Variants in TTC7A observed in about 807,000 individuals in gnomAD.
TTC7A encodes tetratricopeptide repeat domain 7A.
Under a neutral mutation model 103.7 loss-of-function variants are expected in TTC7A, and 110 were observed. The ratio of observed to expected loss-of-function variants is 1.06; its 90% CI spans 0.91 to 1.24. The LOEUF (loss-of-function observed/expected upper bound fraction) is 1.24. TTC7A is among the 50% of genes most tolerant of loss of function. TTC7A has a pLI of 0.00. For missense variants in TTC7A, 1,340 were observed against 1,116.3 expected (o/e 1.20, Z -2.86); for synonymous variants, 521 against 467.9 (o/e 1.11, Z -1.47).
intron 5 of TTC7A, among the ~76,000 whole-genome samples, chr2:46,982,419 C>T (rs1372771567): frequency 6.6e-6 from 1 of 151,836 alleles, no homozygotes; most frequent in African/African-American, 2.4e-5. Flanking sequence ...TACTGGGAAA[C>T]AGGCTGCCTC....
intron 18 of TTC7A, among the ~76,000 whole-genome samples, chr2:47,059,209 G>A (rs908808821): frequency 6.6e-5 from 10 of 151,496 alleles, no homozygotes; most frequent in Non-Finnish European, 1.5e-4. Context: ...TTTTACTAGA[G>A]ACGGGGTTTC....
At chr2:47,026,978 C>T (rs542108051) in intron 14 of TTC7A, among the ~76,000 whole-genome samples, 3 of 152,274 alleles carry the variant, frequency 2.0e-5, no homozygotes, top group African/African-American at 4.8e-5. Context: ...CACATCACCG[C>T]GTGAACATGT....
intron 3 of TTC7A, among the ~76,000 whole-genome samples, chr2:46,969,222 G>A (rs35779609): frequency 0.56 from 84,398 of 151,226 alleles, 24,484 homozygotes; most frequent in East Asian, 0.66. Flanking sequence ...AAAAAATCTG[G>A]GCCGGGCACG....
chr2:46,981,194 T>G (rs1674420488), intron 5 of TTC7A, among the ~76,000 whole-genome samples: 1 of 152,134 alleles, frequency 6.6e-6, no homozygotes, highest in African/African-American at 2.4e-5. Context: ...TTTTGATACA[T>G]CTTTCGTGTT....
At chr2:46,979,889 C>T (rs987557893) in intron 5 of TTC7A, among the ~76,000 whole-genome samples, 19 of 152,196 alleles carry the variant, frequency 1.2e-4, no homozygotes, top group Admixed American at 7.2e-4. Context: ...ACGAGAGGAG[C>T]AGACCCATAG....
At chr2:46,942,791 A>T (rs1464045148) in intron 1 of TTC7A, among the ~76,000 whole-genome samples, 1 of 152,230 alleles carries the variant, frequency 6.6e-6, no homozygotes, top group Admixed American at 6.5e-5. Context: ...TGTACAGCAC[A>T]AAATCCTTGC....
Position 47,007,625 on chromosome 2 carries a change from G to T in TTC7A, c.1287+901G>T, listed in dbSNP as rs549076474. The stretch of plus-strand genomic sequence containing the variant: ...CCTGGCTTGCCAGTGCCTCCTCCAC[G>T]CATCAAGGGCGTGCCAGCCAGCTCG... On this transcript the variant is annotated intron_variant, in intron 10 of 19. Coordinates refer to ENST00000319190, the MANE Select transcript of TTC7A (RefSeq NM_020458.4). The surrounding 1 kb of genome is among the most constrained non-coding windows in gnomAD (Gnocchi z 4.9). Among the ~76,000 whole-genome samples, 2 of 152,102 alleles carry T rather than the reference G, an allele frequency of 1.3e-5. No individual in the cohort carries two copies. Among genetic ancestry groups the T allele is most frequent in the Admixed American group, 6.5e-5 (1 of 15,284 alleles).
At chr2:46,994,157 C>T in intron 6 of TTC7A, 200 bp from the exon 7 acceptor site, 1 of 609,138 alleles carries the variant, frequency 1.6e-6, no homozygotes, top group Non-Finnish European at 2.9e-6. Flanking sequence ...CGTCTGAGGC[C>T]AGCAGAGGGG....
At position 46,972,325 on chromosome 2, in the gene TTC7A, T is replaced by G. The variant is rs376893534; in HGVS notation, c.518-2648T>G. 7.9e-5 allele frequency among the ~76,000 whole-genome samples: 12 copies of G among 152,350 alleles called. No homozygotes were observed. The South Asian group carries it at 2.5e-3, about 32-fold the overall frequency. ...TGTTTTTATTTTTTTGAGCTTTTTG[T>G]TTTTGGCCTTGAAGCTTTTCTTAAA... On this transcript the variant is annotated intron_variant, in intron 3 of 19. Coordinates refer to ENST00000319190, the MANE Select transcript of TTC7A (RefSeq NM_020458.4).
chr2:47,020,078 G>C (rs1428030561), intron 11 of TTC7A, among the ~76,000 whole-genome samples: 2 of 152,182 alleles, frequency 1.3e-5, no homozygotes, highest in African/African-American at 4.8e-5. Flanking sequence ...TGCCAGGTGT[G>C]TGCCTCCTGT....
At chr2:47,060,629 A>C in intron 18 of TTC7A, 140 bp from the exon 19 acceptor site, 1 of 706,366 alleles carries the variant, frequency 1.4e-6, no homozygotes, top group Non-Finnish European at 2.3e-6. Context: ...TCCTATAGTC[A>C]GTGTGTCCCA....
intron 3 of TTC7A, among the ~76,000 whole-genome samples, chr2:46,958,757 C>G (rs1215492801): frequency 2.6e-5 from 4 of 152,196 alleles, no homozygotes; most frequent in South Asian, 4.1e-4. Flanking sequence ...CACGTGGCCA[C>G]CAGGGTGTGC....
Position 47,043,716 on chromosome 2 carries a change from C to G in TTC7A, c.1803-2599C>G, listed in dbSNP as rs143074618. On this transcript the variant is annotated intron_variant, in intron 15 of 19. Coordinates refer to ENST00000319190, the MANE Select transcript of TTC7A (RefSeq NM_020458.4). ...CAGGATCCTGGAGTGAAAGATCAGA[C>G]CAGAGTGACTGGTGGAGCACTTGCC... Among the ~76,000 whole-genome samples, 1,025 of 152,268 alleles carry G rather than the reference C, an allele frequency of 6.7e-3. 12 individuals carry two copies. Among genetic ancestry groups the G allele is most frequent in the African/African-American group, 0.024 (979 of 41,550 alleles).
intron 11 of TTC7A, among the ~76,000 whole-genome samples, chr2:47,015,040 T>C (rs1428779672): frequency 6.6e-6 from 1 of 152,208 alleles, no homozygotes; most frequent in African/African-American, 2.4e-5. Flanking sequence ...TGGGAGTAGC[T>C]GAGCAGGTTT....
At chr2:47,072,125 G>A (rs1005417699) in intron 19 of TTC7A, among the ~76,000 whole-genome samples, 1 of 152,204 alleles carries the variant, frequency 6.6e-6, no homozygotes, top group African/African-American at 2.4e-5. Flanking sequence ...GGAACAGCTA[G>A]GCCTGGTGCC....
intron 16 of TTC7A, among the ~76,000 whole-genome samples, chr2:47,048,729 A>T (rs1034758494): frequency 1.2e-4 from 19 of 152,168 alleles, no homozygotes; most frequent in African/African-American, 4.3e-4. Flanking sequence ...CAGCCTCCCA[A>T]ATAGCTGGGA....
At chr2:46,944,603 G>T (rs1670773268) in intron 1 of TTC7A, among the ~76,000 whole-genome samples, 1 of 152,090 alleles carries the variant, frequency 6.6e-6, no homozygotes, top group Admixed American at 6.5e-5. Flanking sequence ...CACACCTGTA[G>T]TCCCAGCTGT....
At chr2:47,027,246 G>A (rs1680015923) in intron 14 of TTC7A, among the ~76,000 whole-genome samples, 1 of 152,234 alleles carries the variant, frequency 6.6e-6, no homozygotes, top group Admixed American at 6.5e-5. Flanking sequence ...TAGGAATCAG[G>A]GATGAGGAGG....
intron 1 of TTC7A, among the ~76,000 whole-genome samples, chr2:46,946,854 G>A (rs1670986649): frequency 6.6e-6 from 1 of 152,212 alleles, no homozygotes; most frequent in African/African-American, 2.4e-5. Context: ...GGCAGGGAGA[G>A]GAGAGTTGAG....
Sources: allele counts gnomAD v4.1 joint callset (sites outside exome capture counted in the v4.1 genomes callset), GRCh38; gene constraint gnomAD v4.1.1; non-coding constraint Gnocchi (gnomAD v3.1); transcripts MANE v1.5; gene names NCBI Gene and HGNC (gene_info 2026-07-23, HGNC 2026-07-21).